Variants in FOXO3 observed in about 807,000 individuals in gnomAD.
FOXO3 encodes the protein forkhead box protein O3.
Under a neutral mutation model 41.9 loss-of-function variants are expected in FOXO3, and 4 were observed. The ratio of observed to expected loss-of-function variants is 0.10; its 90% confidence interval spans 0.05 to 0.22. FOXO3 has a LOEUF of 0.22. FOXO3 is among the 10% of genes least tolerant of loss of function. FOXO3 has a pLI of 1.00. For synonymous variants in FOXO3, 318 were observed against 389.3 expected (o/e 0.82, Z 2.16); for missense variants, 534 against 906.8 (o/e 0.59, Z 5.28).
intron 2 of FOXO3, among the ~76,000 whole-genome samples, chr6:108,675,142 T>G (rs1290764801): frequency 6.6e-6 from 1 of 152,056 alleles, no homozygotes; most frequent in Non-Finnish European, 1.5e-5. Flanking sequence ...GATCAGATAG[T>G]TTAAGATAGG....
At position 108,561,053 on chromosome 6, in the gene FOXO3, A is replaced by C; in HGVS notation, c.-156A>C. On this transcript the variant is annotated 5_prime_UTR_variant, in exon 1 of 3. Coordinates refer to ENST00000406360, the MANE Select transcript of FOXO3 (RefSeq NM_001455.4). The stretch of plus-strand genomic sequence containing the variant: ...ACGGGGCTCCGGCCCGGGATAACCA[A>C]CTCTCCTTCTCTCTTCTTTGGTGCT... 1.4e-6 allele frequency: 2 copies of C among 1,407,098 alleles called. No homozygotes were observed. The highest frequency in any genetic ancestry group is 1.5e-5 in the South Asian group (1 of 65,516). 87.2% of individuals were successfully genotyped at this position (1,407,098 alleles called of 1,614,324 possible).
intron 2 of FOXO3, among the ~76,000 whole-genome samples, chr6:108,678,511 ATCCCT>A (rs1289879580): frequency 1.4e-5 from 2 of 143,378 alleles, no homozygotes; most frequent in Non-Finnish European, 3.0e-5. Context: ...TTTTTTTTTA[ATCCCT>A]TAACTTTTCT....
chr6:108,577,255 T>C (rs1776287641), intron 1 of FOXO3, among the ~76,000 whole-genome samples: 1 of 152,188 alleles, frequency 6.6e-6, no homozygotes, highest in South Asian at 2.1e-4. Flanking sequence ...TTCTTTGGAC[T>C]GTTACCAAGT....
At position 108,664,013 on chromosome 6, in the gene FOXO3, A is replaced by T; in HGVS notation, c.1180A>T (p.Ile394Phe). 1 of 1,614,122 alleles carries T rather than the reference A, an allele frequency of 6.2e-7. No homozygotes were observed. Among genetic ancestry groups the T allele is most frequent in the Non-Finnish European group, 8.5e-7 (1 of 1,180,012 alleles). Residue 394 changes from isoleucine to phenylalanine, a missense_variant, in exon 2 of 3, where the codon ATC (isoleucine) becomes TTC (phenylalanine). Ile to Phe is a conservative substitution (Grantham distance 21, BLOSUM62 0). This residue lies in a region of FOXO3 where 185 missense variants were observed against 224.9 expected (regional missense o/e 0.82). Coordinates refer to ENST00000406360, the MANE Select transcript of FOXO3 (RefSeq NM_001455.4). ...CCTCATGGACGACCTGCTGGATAAC[A>T]TCACGCTCCCGCCATCCCAGCCATC... is the stretch of plus-strand genomic sequence containing the variant. ...ENLMDDLLDN[I>F]TLPPSQPSPT...
At chr6:108,610,995 T>TC (rs749036261) in intron 1 of FOXO3, among the ~76,000 whole-genome samples, 3 of 152,174 alleles carry the variant, frequency 2.0e-5, no homozygotes, top group Non-Finnish European at 4.4e-5. Flanking sequence ...CACAAAAAAT[T>TC]CCCTCATGGC....
At chr6:108,560,482 AC>A (rs1399899219), upstream of FOXO3, among the ~76,000 whole-genome samples, 1 of 151,674 alleles carries the variant, frequency 6.6e-6, no homozygotes, top group Non-Finnish European at 1.5e-5. Flanking sequence ...CTGCGCCCAG[AC>A]CCCCGTTCGC....
chr6:108,652,553 G>A (rs1778575356), intron 1 of FOXO3, among the ~76,000 whole-genome samples: 1 of 152,220 alleles, frequency 6.6e-6, no homozygotes, highest in African/African-American at 2.4e-5. Context: ...GTGCAGTGGT[G>A]AGAGCTTCAC....
At chr6:108,578,632 T>G (rs9384683) in intron 1 of FOXO3, among the ~76,000 whole-genome samples, 18,568 of 152,188 alleles carry the variant, frequency 0.12, 1,307 homozygotes, top group South Asian at 0.27. Flanking sequence ...ATGTTTTTTT[T>G]TGTGTGTGAT....
Position 108,644,318 on chromosome 6 carries a change from T to G in FOXO3, c.622-19137T>G, listed in dbSNP as rs2128380379. ...CGTATGAAACACTTAGAACAGTGTTTAGTACCTCATATGCACTTAATAAAT... is the reference window on the plus strand; with the variant it reads ...CGTATGAAACACTTAGAACAGTGTTGAGTACCTCATATGCACTTAATAAAT... On this transcript the variant is annotated intron_variant, in intron 1 of 2. Coordinates refer to ENST00000406360, the MANE Select transcript of FOXO3 (RefSeq NM_001455.4). Among the ~76,000 whole-genome samples, 3 of 152,360 alleles carry G rather than the reference T, an allele frequency of 2.0e-5. No individual in the cohort carries two copies. In the South Asian group the frequency reaches 6.2e-4, roughly 32 times the overall value.
chr6:108,618,187 A>C, intron 1 of FOXO3: 2 of 1,001,838 alleles, frequency 2.0e-6, no homozygotes, highest in Non-Finnish European at 3.2e-6. Flanking sequence ...TATGCCTCTT[A>C]ATCTTAAACT....
intron 1 of FOXO3, among the ~76,000 whole-genome samples, chr6:108,579,092 C>A (rs1776340705): frequency 6.6e-6 from 1 of 152,156 alleles, no homozygotes; most frequent in African/African-American, 2.4e-5. Flanking sequence ...GGGTCTTTTA[C>A]CAGCTGTTTC....
At chr6:108,577,701 A>G (rs1290961492) in intron 1 of FOXO3, among the ~76,000 whole-genome samples, 1 of 152,200 alleles carries the variant, frequency 6.6e-6, no homozygotes, top group Non-Finnish European at 1.5e-5. Flanking sequence ...TTTTAGAGAC[A>G]TTAGATTTTG....
chr6:108,587,694 G>C (rs1204084615), intron 1 of FOXO3, among the ~76,000 whole-genome samples: 1 of 152,126 alleles, frequency 6.6e-6, no homozygotes, highest in Non-Finnish European at 1.5e-5. Flanking sequence ...GTACTCTCCT[G>C]CTTTTGCATT....
intron 1 of FOXO3, chr6:108,656,619 C>G: frequency 2.0e-6 from 1 of 497,288 alleles, no homozygotes; most frequent in Non-Finnish European, 2.6e-6. Context: ...TGGCACTTCA[C>G]TGAGTAGTTT....
At position 108,682,856 on chromosome 6, in the gene FOXO3, G is replaced by A. The variant is rs1412352126; in HGVS notation, c.*3064G>A. On this transcript the variant is annotated 3_prime_UTR_variant, in exon 3 of 3. Coordinates refer to ENST00000406360, the MANE Select transcript of FOXO3 (RefSeq NM_001455.4). ...TTGGCCTCTAAATAAGCTGCTCTAG[G>A]GAGCCGCCTACTTTTTGATGAGAAA... 6.6e-6 allele frequency: 1 copy of A among 152,636 alleles called. No individual in the cohort carries two copies. Among genetic ancestry groups the A allele is most frequent in the African/African-American group, 2.4e-5 (1 of 41,468 alleles). The allele number at this position is 152,636 out of a possible 1,614,324, so 9.5% of individuals were successfully genotyped here. A position where few individuals can be genotyped will look rare whatever the true frequency, so the allele number is the denominator to read the frequency against.
At position 108,683,608 on chromosome 6, in the gene FOXO3, C is replaced by G. The variant is rs1377824484; in HGVS notation, c.*3816C>G. The G allele has an allele frequency of 6.6e-6, 1 of 151,954 alleles. No individual in the cohort carries two copies. The highest frequency in any genetic ancestry group is 1.9e-4 in the East Asian group (1 of 5,178). 9.4% of individuals were successfully genotyped at this position (151,954 alleles called of 1,614,324 possible). A position where few individuals can be genotyped will look rare whatever the true frequency, so the allele number is the denominator to read the frequency against. On this transcript the variant is annotated 3_prime_UTR_variant, in exon 3 of 3. Coordinates refer to ENST00000406360, the MANE Select transcript of FOXO3 (RefSeq NM_001455.4). ...GGCTGAGGCAGGAGAATCGCTTGAA[C>G]CCAGGAGGCGGAGGTCGCAGTGAGC...
chr6:108,657,981 C>A (rs975972674), intron 1 of FOXO3, among the ~76,000 whole-genome samples: 2 of 152,172 alleles, frequency 1.3e-5, no homozygotes, highest in East Asian at 3.9e-4. Flanking sequence ...GTGAAACCCC[C>A]CTCTGGGCCT....
intron 1 of FOXO3, among the ~76,000 whole-genome samples, chr6:108,656,059 G>A (rs1280442469): frequency 1.3e-5 from 2 of 151,762 alleles, no homozygotes; most frequent in Non-Finnish European, 2.9e-5. Context: ...GGAAGTAGTG[G>A]GCCTGGCTTT....
intron 1 of FOXO3, among the ~76,000 whole-genome samples, chr6:108,619,796 T>G (rs1037395788): frequency 1.4e-4 from 22 of 152,210 alleles, no homozygotes; most frequent in African/African-American, 5.1e-4. Context: ...AAGCATATGT[T>G]GTATTGGTGT....
Sources: allele counts gnomAD v4.1 joint callset (sites outside exome capture counted in the v4.1 genomes callset), GRCh38; gene constraint gnomAD v4.1.1; regional missense constraint gnomAD v4.1.1; transcripts MANE v1.5; gene names NCBI Gene and HGNC (gene_info 2026-07-23, HGNC 2026-07-21).